BRI3BP: variants seen among roughly 807,000 people sequenced by gnomAD.
BRI3BP encodes BRI3 binding protein.
BRI3BP carries 7 observed loss-of-function variants against 15.8 expected under a neutral mutation model. The observed-to-expected ratio is 0.44, with a 90% CI of 0.25 to 0.83. BRI3BP has a LOEUF of 0.83. Ranked by LOEUF, BRI3BP falls within the 40% of genes least tolerant of loss-of-function variation. BRI3BP has a pLI of 0.20. For missense variants in BRI3BP, 320 were observed against 339.3 expected (o/e 0.94, Z 0.45); for synonymous variants, 192 against 163.5 (o/e 1.17, Z -1.33).
chr12:125,049,162 C>G, the BRI3BP span, among the ~76,000 whole-genome samples: 1 of 152,042 alleles, frequency 6.6e-6, no homozygotes, highest in Non-Finnish European at 1.5e-5. Flanking sequence ...GGGATTTCAC[C>G]GTGTTCGCCA....
At chr12:125,049,738 C>A in the BRI3BP span, among the ~76,000 whole-genome samples, 1 of 152,346 alleles carries the variant, frequency 6.6e-6, no homozygotes, top group South Asian at 2.1e-4. Context: ...GCGCTCAGGC[C>A]GATCTTCCAG....
At chr12:125,015,366 GGAGCCAC>G (rs1433014401) in intron 2 of BRI3BP, among the ~76,000 whole-genome samples, 1 of 152,082 alleles carries the variant, frequency 6.6e-6, no homozygotes, top group Non-Finnish European at 1.5e-5. Flanking sequence ...CTGGAGGGAC[GGAGCCAC>G]AAGCCAAGGA....
the BRI3BP span, among the ~76,000 whole-genome samples, chr12:125,040,087 C>A: frequency 6.6e-6 from 1 of 152,046 alleles, no homozygotes; most frequent in Non-Finnish European, 1.5e-5. Context: ...CATGGTGAAA[C>A]CCCATCTCTA....
intron 1 of BRI3BP, among the ~76,000 whole-genome samples, chr12:125,002,558 G>A (rs1443139215): frequency 1.3e-5 from 2 of 151,098 alleles, no homozygotes; most frequent in African/African-American, 2.4e-5. Flanking sequence ...CGGGGTTCAC[G>A]CCATTCTCCT....
Position 124,993,994 on chromosome 12 carries a change from C to G in BRI3BP, c.204C>G (p.Ala68=), listed in dbSNP as rs749973070. The change falls in exon 1 of 3, where the codon GCC becomes GCG. Residue 68 remains alanine (A), a synonymous_variant. Transcript: ENST00000341446. The part of the protein sequence containing the change: ...SSLFGEDNVR[A]AQKFLARLTE... ...TGTTCGGCGAGGACAACGTGCGCGC[C>G]GCTCAGAAGGTGGGCGCCGGGCCCG... 23 of 1,348,096 alleles carry G rather than the reference C, an allele frequency of 1.7e-5. 1 individual carries two copies. The South Asian group carries it at 3.7e-4, about 22-fold the overall frequency. The allele number at this position is 1,348,096 out of a possible 1,614,324, so 83.5% of individuals were successfully genotyped here.
At position 125,003,674 on chromosome 12, in the gene BRI3BP, C is replaced by T. The variant is rs185093851; in HGVS notation, c.214-8860C>T. On this transcript the variant is annotated intron_variant, in intron 1 of 2. Transcript: ENST00000341446. ...TGAAAATCAAAACCACAATACCGGC[C>T]GGGCATGGTGGCTCATGCCTGTAAT... Among the ~76,000 whole-genome samples the T allele has an allele frequency of 7.2e-5, 11 of 152,160 alleles. 1 individual carries two copies. The East Asian group carries it at 1.9e-3, about 27-fold the overall frequency.
chr12:125,044,571 TC>T, the BRI3BP span, among the ~76,000 whole-genome samples: 1 of 151,308 alleles, frequency 6.6e-6, no homozygotes, highest in Non-Finnish European at 1.5e-5. Flanking sequence ...CCCTTCAGCC[TC>T]CCAAGTAGCT....
At chr12:124,998,205 T>C (rs574732338) in intron 1 of BRI3BP, among the ~76,000 whole-genome samples, 1 of 151,368 alleles carries the variant, frequency 6.6e-6, no homozygotes, top group South Asian at 2.1e-4. Context: ...GGCAGGAGAA[T>C]AGATTGAGCC....
At chr12:125,003,291 C>A (rs1955112707) in intron 1 of BRI3BP, among the ~76,000 whole-genome samples, 1 of 152,150 alleles carries the variant, frequency 6.6e-6, no homozygotes, top group African/African-American at 2.4e-5. Context: ...TGTCCCCCGC[C>A]TGACTGCTGC....
intron 1 of BRI3BP, among the ~76,000 whole-genome samples, chr12:124,995,098 G>C (rs921377890): frequency 2.0e-5 from 3 of 152,212 alleles, no homozygotes; most frequent in African/African-American, 7.2e-5. Context: ...AAATCAGATT[G>C]ACTGCATGTT....
intron 1 of BRI3BP, among the ~76,000 whole-genome samples, chr12:125,000,897 T>C (rs1386900417): frequency 6.6e-6 from 1 of 152,192 alleles, no homozygotes; most frequent in African/African-American, 2.4e-5. Flanking sequence ...TATAGTACAG[T>C]ATTTTGTAAC....
intron 1 of BRI3BP, among the ~76,000 whole-genome samples, chr12:125,000,525 G>A (rs937553444): frequency 1.2e-4 from 18 of 151,554 alleles, no homozygotes; most frequent in African/African-American, 4.4e-4. Flanking sequence ...ATGTTAGCCA[G>A]GATGGTCTCG....
chr12:125,008,606 T>C (rs918617699), intron 1 of BRI3BP, among the ~76,000 whole-genome samples: 5 of 151,780 alleles, frequency 3.3e-5, no homozygotes, highest in Admixed American at 2.0e-4. Context: ...CCACCACGCC[T>C]GGCCACCCTC....
At chr12:124,994,495 T>C (rs1408287977) in intron 1 of BRI3BP, among the ~76,000 whole-genome samples, 3 of 152,140 alleles carry the variant, frequency 2.0e-5, no homozygotes, top group Non-Finnish European at 4.4e-5. Context: ...TGGAGTTGTT[T>C]TTACTTTACA....
the BRI3BP span, among the ~76,000 whole-genome samples, chr12:125,042,047 A>C: frequency 1.3e-5 from 2 of 152,232 alleles, no homozygotes; most frequent in Non-Finnish European, 2.9e-5. Flanking sequence ...TCTAGACCCT[A>C]GTTTATCTGA....
chr12:125,007,069 C>T (rs968844782), intron 1 of BRI3BP, among the ~76,000 whole-genome samples: 1 of 151,942 alleles, frequency 6.6e-6, no homozygotes, highest in African/African-American at 2.4e-5. Flanking sequence ...TATGGTGGCA[C>T]ATGCCTGTAA....
chr12:125,024,946 CT>C (rs1302348068), intron 2 of BRI3BP, 44 bp from the exon 3 acceptor site: 1 of 1,529,728 alleles, frequency 6.5e-7, no homozygotes, highest in Admixed American at 1.8e-5. Flanking sequence ...TAAGAAACCC[CT>C]GGCCCCTGCG....
At chr12:125,002,611 C>T (rs997743769) in intron 1 of BRI3BP, among the ~76,000 whole-genome samples, 1 of 152,100 alleles carries the variant, frequency 6.6e-6, no homozygotes, top group Non-Finnish European at 1.5e-5. Context: ...CACCCGCCAC[C>T]ACGCCCAGCT....
the BRI3BP span, among the ~76,000 whole-genome samples, chr12:125,049,464 C>T: frequency 7.9e-5 from 12 of 151,898 alleles, no homozygotes; most frequent in African/African-American, 2.9e-4. Flanking sequence ...AGGCACAACC[C>T]TCCTTTGGCA....
Sources: gnomAD v4.1 joint callset for allele counts (sites outside exome capture counted in the v4.1 genomes callset) on GRCh38, gnomAD v4.1.1 for gene constraint, MANE v1.5 for transcripts, NCBI Gene and HGNC (gene_info 2026-07-23, HGNC 2026-07-21) for gene names.